Variants in SLC10A7 observed in about 807,000 individuals in gnomAD.
SLC10A7 encodes the protein sodium/bile acid cotransporter 7.
In SLC10A7, 29 loss-of-function variants were observed where a neutral mutation model predicts 43.2. The observed-to-expected ratio is 0.67, with a 90% CI of 0.50 to 0.92. SLC10A7 has a LOEUF of 0.92. Among genes scored for constraint, SLC10A7 ranks in the 40% least tolerant of loss-of-function variants. The pLI is 0.00. For missense variants in SLC10A7, 295 were observed against 403.2 expected, an observed-to-expected ratio of 0.73 and a Z score of 2.30; for synonymous variants, 152 against 144.8, an observed-to-expected ratio of 1.05 and a Z score of -0.35.
chr4:146,311,552 T>A (rs1731978211), intron 6 of SLC10A7, among the ~76,000 whole-genome samples: 1 of 152,186 alleles, frequency 6.6e-6, no homozygotes, highest in African/African-American at 2.4e-5. Flanking sequence ...TCACCCTTGA[T>A]GATTGGTCTT....
intron 10 of SLC10A7, among the ~76,000 whole-genome samples, chr4:146,275,178 T>C (rs1350011461): frequency 6.6e-6 from 1 of 152,244 alleles, no homozygotes; most frequent in Non-Finnish European, 1.5e-5. Context: ...AAATCTGTTT[T>C]GTTTTTAAAT....
At chr4:146,436,980 AATG>A (rs1252643306) in intron 5 of SLC10A7, among the ~76,000 whole-genome samples, 2 of 152,130 alleles carry the variant, frequency 1.3e-5, no homozygotes, top group African/African-American at 4.8e-5. Context: ...CAAAAGCTAT[AATG>A]ATGTCTGAAT....
intron 4 of SLC10A7, among the ~76,000 whole-genome samples, chr4:146,478,873 T>C (rs1306894923): frequency 6.6e-6 from 1 of 152,164 alleles, no homozygotes; most frequent in Non-Finnish European, 1.5e-5. Flanking sequence ...CAAAGTGTTA[T>C]ATTCATAGTC....
intron 3 of SLC10A7, among the ~76,000 whole-genome samples, chr4:146,504,555 G>A (rs551148042): frequency 6.6e-6 from 1 of 151,302 alleles, no homozygotes; most frequent in South Asian, 2.1e-4. Flanking sequence ...TAACCAAAAC[G>A]GCTAATCATT....
chr4:146,287,264 C>G (rs1052792568), intron 9 of SLC10A7, among the ~76,000 whole-genome samples: 1 of 151,888 alleles, frequency 6.6e-6, no homozygotes, highest in African/African-American at 2.4e-5. Context: ...AGAAATCTGG[C>G]AAAGGGAAGA....
chr4:146,285,463 C>T (rs1729832788), intron 9 of SLC10A7, among the ~76,000 whole-genome samples: 1 of 152,168 alleles, frequency 6.6e-6, no homozygotes, highest in Non-Finnish European at 1.5e-5. Flanking sequence ...AATTCCAGGC[C>T]ATCCTTTTTC....
intron 4 of SLC10A7, among the ~76,000 whole-genome samples, chr4:146,492,462 G>A (rs1735548528): frequency 6.6e-6 from 1 of 152,008 alleles, no homozygotes. Flanking sequence ...CCACCTGCCA[G>A]GCACAAACGA....
At chr4:146,470,724 A>G (rs1369401118) in intron 4 of SLC10A7, among the ~76,000 whole-genome samples, 1 of 152,216 alleles carries the variant, frequency 6.6e-6, no homozygotes, top group Non-Finnish European at 1.5e-5. Flanking sequence ...TATGATAACC[A>G]TACTACTAGA....
chr4:146,268,965 C>T (rs1226874367), intron 10 of SLC10A7, among the ~76,000 whole-genome samples: 1 of 151,976 alleles, frequency 6.6e-6, no homozygotes, highest in Non-Finnish European at 1.5e-5. Flanking sequence ...AAGAGAGATA[C>T]ACCTTTCAAT....
chr4:146,307,614 C>A (rs1251019237), intron 6 of SLC10A7, among the ~76,000 whole-genome samples: 1 of 152,060 alleles, frequency 6.6e-6, no homozygotes, highest in Non-Finnish European at 1.5e-5. Context: ...AAATGAGGCA[C>A]TGGATGAATA....
chr4:146,277,314 GA>G (rs1311740412), intron 10 of SLC10A7, among the ~76,000 whole-genome samples: 2 of 152,146 alleles, frequency 1.3e-5, no homozygotes, highest in Admixed American at 1.3e-4. Context: ...GAACCCTGGG[GA>G]CTTTCTAAAT....
chr4:146,274,801 A>G (rs1262525805), intron 10 of SLC10A7, among the ~76,000 whole-genome samples: 2 of 152,210 alleles, frequency 1.3e-5, no homozygotes, highest in African/African-American at 4.8e-5. Flanking sequence ...GTAGTATGTC[A>G]TAAGTAGTTA....
At chr4:146,394,067 G>A (rs1483440344) in intron 5 of SLC10A7, among the ~76,000 whole-genome samples, 1 of 152,106 alleles carries the variant, frequency 6.6e-6, no homozygotes, top group African/African-American at 2.4e-5. Context: ...AACAGAGTCA[G>A]TATTATTCTG....
At chr4:146,441,852 C>T (rs1357036284) in intron 5 of SLC10A7, 2 of 984,882 alleles carry the variant, frequency 2.0e-6, no homozygotes, top group African/African-American at 1.7e-5. Context: ...CACTATGTAA[C>T]AACATGTTTA....
In SLC10A7 at chr4:146,392,743, T is replaced by C. The variant is rs1461527573; in HGVS notation, c.435+50040A>G. On this transcript the variant is annotated intron_variant, in intron 5 of 11. Transcript: ENST00000335472. ...ACAATTCTTAATACTAAAGCCAGAA[T>C]AATCTTTCTAAAACTCAAATTGAAT... 3.3e-5 allele frequency among the ~76,000 whole-genome samples: 5 copies of C among 152,244 alleles called. No homozygotes were observed. In the East Asian group the frequency reaches 9.7e-4, roughly 29 times the overall value.
chr4:146,275,885 C>T (rs1433917250), intron 10 of SLC10A7, among the ~76,000 whole-genome samples: 1 of 151,662 alleles, frequency 6.6e-6, no homozygotes, highest in Non-Finnish European at 1.5e-5. Flanking sequence ...CTTTTAGGTG[C>T]TCTCAGAGCA....
At chr4:146,463,384 T>C (rs566958516) in intron 4 of SLC10A7, among the ~76,000 whole-genome samples, 10 of 152,200 alleles carry the variant, frequency 6.6e-5, no homozygotes, top group African/African-American at 1.9e-4. Flanking sequence ...TTGCTGAAAG[T>C]GTGGTAAATA....
intron 7 of SLC10A7, among the ~76,000 whole-genome samples, chr4:146,305,429 G>T (rs1731488768): frequency 8.1e-6 from 1 of 123,820 alleles, no homozygotes; most frequent in Admixed American, 9.1e-5. Flanking sequence ...CTGTTGTGGG[G>T]TGGGGGGAGG....
intron 10 of SLC10A7, among the ~76,000 whole-genome samples, chr4:146,281,970 T>C (rs1729585304): frequency 6.6e-6 from 1 of 152,174 alleles, no homozygotes; most frequent in African/African-American, 2.4e-5. Flanking sequence ...CTGTGCCAGG[T>C]ACTTAACAAA....
Sources: allele counts gnomAD v4.1 joint callset (sites outside exome capture counted in the v4.1 genomes callset), GRCh38; gene constraint gnomAD v4.1.1; transcripts MANE v1.5; gene names NCBI Gene and HGNC (gene_info 2026-07-23, HGNC 2026-07-21).